Variants in HECW2 observed in about 807,000 individuals in gnomAD.
HECW2 encodes HECT, C2 and WW domain containing E3 ubiquitin protein ligase 2.
In HECW2, 61 loss-of-function variants were observed where a neutral mutation model predicts 175.2. The ratio of observed to expected loss-of-function variants is 0.35; its 90% CI spans 0.28 to 0.43. HECW2 has a LOEUF of 0.43. Among genes scored for constraint, HECW2 ranks in the 20% least tolerant of loss-of-function variants. The pLI, the probability that HECW2 is intolerant of heterozygous loss-of-function variation, is 1.00. For missense variants in HECW2, 1,524 were observed against 2,000.5 expected, an observed-to-expected ratio of 0.76 and a Z score of 4.54; for synonymous variants, 671 against 731.0, an observed-to-expected ratio of 0.92 and a Z score of 1.32.
chr2:196,225,930 T>G (rs1271664283), intron 22 of HECW2, 60 bp from the exon 23 acceptor site: 1 of 1,044,880 alleles, frequency 9.6e-7, no homozygotes, highest in Admixed American at 1.8e-5. Context: ...GGTGGTTCCA[T>G]ATGCTTTCTA....
intron 2 of HECW2, among the ~76,000 whole-genome samples, chr2:196,369,947 T>C (rs1693860075): frequency 6.6e-6 from 1 of 151,962 alleles, no homozygotes; most frequent in Admixed American, 6.6e-5. Context: ...GCCCAGGGTA[T>C]TTCCAGAAAT....
At chr2:196,478,195 G>A (rs914144163) in intron 1 of HECW2, among the ~76,000 whole-genome samples, 1 of 152,194 alleles carries the variant, frequency 6.6e-6, no homozygotes, top group Non-Finnish European at 1.5e-5. Flanking sequence ...AAATTCAAAA[G>A]GAGAAATCAG....
chr2:196,547,877 A>G (rs1307214115), intron 1 of HECW2, among the ~76,000 whole-genome samples: 2 of 152,132 alleles, frequency 1.3e-5, no homozygotes, highest in East Asian at 3.9e-4. Flanking sequence ...TATACCAGCA[A>G]CTGAGGGGCA....
intron 3 of HECW2, 77 bp from the exon 4 acceptor site, chr2:196,334,595 T>A (rs1692483278): frequency 1.8e-6 from 2 of 1,142,818 alleles, no homozygotes; most frequent in Non-Finnish European, 2.6e-6. Flanking sequence ...AAATCCACCA[T>A]ACCACCTCTC....
At chr2:196,273,953 C>A in intron 16 of HECW2, 68 bp downstream of exon 16, 1 of 1,124,764 alleles carries the variant, frequency 8.9e-7, no homozygotes, top group Non-Finnish European at 1.3e-6. Flanking sequence ...GGGGAAGTAT[C>A]AGCACAGTGT....
At chr2:196,241,806 CT>C (rs1315237209) in intron 20 of HECW2, among the ~76,000 whole-genome samples, 1 of 152,150 alleles carries the variant, frequency 6.6e-6, no homozygotes, top group Non-Finnish European at 1.5e-5. Flanking sequence ...CAAAGACATA[CT>C]TTTCAGAGGA....
intron 21 of HECW2, among the ~76,000 whole-genome samples, chr2:196,229,476 G>A (rs748983541): frequency 9.2e-5 from 14 of 152,122 alleles, no homozygotes; most frequent in Non-Finnish European, 1.2e-4. Context: ...CCTGGGCAAG[G>A]AGTTTGAGAG....
chr2:196,437,711 G>C (rs893051474), intron 1 of HECW2, among the ~76,000 whole-genome samples: 2 of 151,954 alleles, frequency 1.3e-5, no homozygotes, highest in Non-Finnish European at 2.9e-5. Context: ...GAGGCTCCAT[G>C]AGGTTAGGCC....
chr2:196,534,519 G>T (rs1352367440), intron 1 of HECW2, among the ~76,000 whole-genome samples: 1 of 152,206 alleles, frequency 6.6e-6, no homozygotes, highest in African/African-American at 2.4e-5. Context: ...CCTCAGAAAT[G>T]AGAACGGGGT....
intron 2 of HECW2, chr2:196,361,806 T>A: frequency 1.0e-6 from 1 of 985,186 alleles, no homozygotes; most frequent in Non-Finnish European, 1.2e-6. Context: ...CTTTCCAATA[T>A]CTTACCTCAT....
intron 13 of HECW2, among the ~76,000 whole-genome samples, chr2:196,300,421 C>A (rs540011646): frequency 2.6e-4 from 39 of 152,122 alleles, no homozygotes; most frequent in African/African-American, 9.2e-4. Context: ...TTGCAAATAG[C>A]ACAAACACAC....
At chr2:196,249,114 T>C (rs1453863175) in intron 19 of HECW2, among the ~76,000 whole-genome samples, 1 of 152,228 alleles carries the variant, frequency 6.6e-6, no homozygotes, top group African/African-American at 2.4e-5. Flanking sequence ...GTTAAAATCA[T>C]AGCTTTGGTT....
At chr2:196,292,507 G>C (rs1462115255) in intron 14 of HECW2, 58 bp downstream of exon 14, 1 of 1,487,634 alleles carries the variant, frequency 6.7e-7, no homozygotes, top group African/African-American at 1.4e-5. Flanking sequence ...GCCAAGTGTC[G>C]AAGCCACAAG....
chr2:196,368,818 C>G (rs1457246855), intron 2 of HECW2, among the ~76,000 whole-genome samples: 1 of 152,038 alleles, frequency 6.6e-6, no homozygotes, highest in Non-Finnish European at 1.5e-5. Flanking sequence ...CTGCTTGACT[C>G]TTTTTAGTTA....
chr2:196,477,908 C>T (rs1195227868), intron 1 of HECW2, among the ~76,000 whole-genome samples: 2 of 151,970 alleles, frequency 1.3e-5, no homozygotes, highest in South Asian at 2.1e-4. Context: ...AAAAATTAGC[C>T]GAACATGGTG....
At chr2:196,492,018 CTCTGAA>C (rs980831954) in intron 1 of HECW2, among the ~76,000 whole-genome samples, 1 of 152,076 alleles carries the variant, frequency 6.6e-6, no homozygotes, top group Non-Finnish European at 1.5e-5. Context: ...TAAGTTATAT[CTCTGAA>C]TCTGAGTGAA....
At chr2:196,306,968 G>C (rs1176939682) in intron 12 of HECW2, among the ~76,000 whole-genome samples, 162 bp downstream of exon 12, 1 of 152,152 alleles carries the variant, frequency 6.6e-6, no homozygotes, top group Non-Finnish European at 1.5e-5. Flanking sequence ...AAACATTGAG[G>C]ATTAGAAGAG....
chr2:196,575,583 C>T (rs1690533032), intron 1 of HECW2, among the ~76,000 whole-genome samples: 2 of 151,940 alleles, frequency 1.3e-5, no homozygotes, highest in African/African-American at 4.8e-5. Context: ...CAGTCATGAG[C>T]CACATAATTA....
At chr2:196,518,921 T>C (rs1297201594) in intron 1 of HECW2, among the ~76,000 whole-genome samples, 1 of 152,176 alleles carries the variant, frequency 6.6e-6, no homozygotes, top group Middle Eastern at 3.2e-3. Context: ...CACTACTACA[T>C]GCAGAATCTT....
Sources: gnomAD v4.1 joint callset for allele counts (sites outside exome capture counted in the v4.1 genomes callset) on GRCh38, gnomAD v4.1.1 for gene constraint, MANE v1.5 for transcripts, NCBI Gene and HGNC (gene_info 2026-07-23, HGNC 2026-07-21) for gene names.